Variants in PLXNA2 observed in about 807,000 individuals in gnomAD.
PLXNA2 encodes plexin A2, also known as plexin-A2.
PLXNA2 carries 91 observed loss-of-function variants against 193.5 expected under a neutral mutation model. That is an observed-to-expected ratio of 0.47 (90% confidence interval 0.40 to 0.56). PLXNA2 has a LOEUF of 0.56. Ranked by LOEUF, PLXNA2 falls within the 20% of genes least tolerant of loss-of-function variation. The pLI, the probability that PLXNA2 is intolerant of heterozygous loss-of-function variation, is 0.00. For missense variants in PLXNA2, 1,995 were observed against 2,503.2 expected, an observed-to-expected ratio of 0.80 and a Z score of 4.33; for synonymous variants, 997 against 1,027.3, an observed-to-expected ratio of 0.97 and a Z score of 0.56.
intron 4 of PLXNA2, among the ~76,000 whole-genome samples, chr1:208,113,005 C>A (rs200470797): frequency 0.025 from 2,898 of 114,234 alleles, 1 homozygote; most frequent in Middle Eastern, 0.03. Flanking sequence ...GAAGGACCTA[C>A]AAAAAAAAAA....
chr1:208,234,921 G>T (rs1403851043), intron 1 of PLXNA2, among the ~76,000 whole-genome samples: 1 of 152,174 alleles, frequency 6.6e-6, no homozygotes, highest in Non-Finnish European at 1.5e-5. Context: ...ATTTGGACTT[G>T]GGTTTCACAT....
chr1:208,079,363 C>T lies in PLXNA2; in HGVS notation c.2483G>A (p.Gly828Asp), dbSNP rs770086827. Residue 828 changes from glycine to aspartate, a missense_variant, in exon 12 of 32, where the codon GGC (glycine) becomes GAC (aspartate). Around this residue, in one of 3 missense-constraint regions of PLXNA2, gnomAD observed 1,291 missense variants for 1,673.6 expected, o/e 0.77. Transcript: ENST00000367033. ...CTGGTGGAGGGTGCACCTGCGCTCG[C>T]CGCTGCACCAGCCACACTCAAACTT... ...DRKFECGWCS[G>D]ERRCTLHQHC... 6.2e-7 allele frequency: 1 copy of T among 1,613,010 alleles called. No homozygotes were observed. Among genetic ancestry groups the T allele is most frequent in the South Asian group, 1.1e-5 (1 of 90,998 alleles).
At chr1:208,225,773 T>C (rs1003311611) in intron 1 of PLXNA2, among the ~76,000 whole-genome samples, 19 of 152,320 alleles carry the variant, frequency 1.2e-4, no homozygotes, top group Admixed American at 7.8e-4. Context: ...CACATCCTCA[T>C]CTGACCATCT....
In PLXNA2 at chr1:208,027,068, G is replaced by T. The variant is rs1664362917; in HGVS notation, c.*175C>A. On this transcript the variant is annotated 3_prime_UTR_variant, in exon 32 of 32. Transcript: ENST00000367033. ...CCCACTGTCTCTCCCAGCTGGAACT[G>T]GCTATGACGAAACTTGGCTGGCGTA... The T allele has an allele frequency of 7.0e-6, 4 of 570,912 alleles. No individual in the cohort carries two copies. In the South Asian group the frequency reaches 8.6e-5, roughly 12 times the overall value. 35.4% of individuals were successfully genotyped at this position (570,912 alleles called of 1,614,324 possible). A position where few individuals can be genotyped will look rare whatever the true frequency, so the allele number is the denominator to read the frequency against.
intron 3 of PLXNA2, among the ~76,000 whole-genome samples, chr1:208,176,123 T>C (rs571403097): frequency 6.6e-6 from 1 of 152,304 alleles, no homozygotes; most frequent in Admixed American, 6.5e-5. Flanking sequence ...TTGTTGCCAC[T>C]TCACAGATGA....
intron 4 of PLXNA2, among the ~76,000 whole-genome samples, chr1:208,132,625 A>AC (rs1435754690): frequency 6.6e-6 from 1 of 152,222 alleles, no homozygotes; most frequent in Non-Finnish European, 1.5e-5. Flanking sequence ...AACACAGCTT[A>AC]AATAAGGTAG....
intron 3 of PLXNA2, among the ~76,000 whole-genome samples, chr1:208,206,206 T>C (rs1277230512): frequency 6.6e-6 from 1 of 152,268 alleles, no homozygotes; most frequent in Non-Finnish European, 1.5e-5. Context: ...CCCACATCGA[T>C]CCAGCTCTTG....
At chr1:208,063,998 A>T (rs1306919657) in intron 12 of PLXNA2, among the ~76,000 whole-genome samples, 1 of 151,878 alleles carries the variant, frequency 6.6e-6, no homozygotes, top group Non-Finnish European at 1.5e-5. Context: ...ACGAACTCTT[A>T]ATTTTTCCTC....
intron 3 of PLXNA2, among the ~76,000 whole-genome samples, chr1:208,167,829 C>T (rs1669359186): frequency 6.6e-6 from 1 of 152,224 alleles, no homozygotes; most frequent in Admixed American, 6.5e-5. Flanking sequence ...TGAAACCCCA[C>T]ACACATACAC....
At chr1:208,104,534 T>C (rs1667200727) in intron 4 of PLXNA2, among the ~76,000 whole-genome samples, 1 of 152,004 alleles carries the variant, frequency 6.6e-6, no homozygotes, top group Admixed American at 6.6e-5. Context: ...AGGTGACCAG[T>C]GGTGTAGGGG....
chr1:208,109,906 CT>C (rs933924286), intron 4 of PLXNA2, among the ~76,000 whole-genome samples: 2 of 152,342 alleles, frequency 1.3e-5, no homozygotes, highest in Non-Finnish European at 2.9e-5. Flanking sequence ...TACCCAGTAG[CT>C]GTTAACTGAT....
At chr1:208,094,758 G>A (rs1294791525) in intron 8 of PLXNA2, among the ~76,000 whole-genome samples, 1 of 152,138 alleles carries the variant, frequency 6.6e-6, no homozygotes, top group Non-Finnish European at 1.5e-5. Context: ...GTCTTTCTCA[G>A]CACATCTATT....
rs991739535 is a variant in PLXNA2, at chr1:208,243,942, G to T, written c.-380C>A. The T allele has an allele frequency of 6.6e-6, 1 of 152,396 alleles. No individual in the cohort carries two copies. Among genetic ancestry groups the T allele is most frequent in the Non-Finnish European group, 1.5e-5 (1 of 68,190 alleles). The allele number at this position is 152,396 out of a possible 1,614,324, so 9.4% of individuals were successfully genotyped here. On this transcript the variant is annotated 5_prime_UTR_variant, in exon 1 of 32. Transcript: ENST00000367033. ...GGGGGCACCCGGAGGCGCCGAGGGG[G>T]CGTGTGGGGGCGGCCGGCGGTGTCT...
intron 3 of PLXNA2, among the ~76,000 whole-genome samples, chr1:208,176,664 T>C (rs546051141): frequency 1.9e-4 from 29 of 152,248 alleles, no homozygotes; most frequent in Admixed American, 3.3e-4. Context: ...CAGCTCCTAC[T>C]GTGTCTGTTC....
intron 28 of PLXNA2, among the ~76,000 whole-genome samples, chr1:208,033,009 G>A (rs1664550009): frequency 6.6e-6 from 1 of 151,820 alleles, no homozygotes; most frequent in African/African-American, 2.4e-5. Context: ...CCCTGCCCAG[G>A]GAACTGGACT....
intron 26 of PLXNA2, among the ~76,000 whole-genome samples, chr1:208,034,909 T>A (rs894553109): frequency 1.3e-5 from 2 of 152,214 alleles, no homozygotes; most frequent in Non-Finnish European, 2.9e-5. Context: ...ACAGTATGAA[T>A]ACAAATATAA....
chr1:208,218,219 G>T, intron 1 of PLXNA2: 3 of 503,794 alleles, frequency 6.0e-6, no homozygotes, highest in South Asian at 2.7e-5. Context: ...TAAAATACTT[G>T]CTTTTTTTAA....
chr1:208,225,329 G>T (rs1223016494), intron 1 of PLXNA2, among the ~76,000 whole-genome samples: 1 of 152,104 alleles, frequency 6.6e-6, no homozygotes, highest in Non-Finnish European at 1.5e-5. Context: ...TTGAGACGGG[G>T]TCTCGCTCTG....
chr1:208,178,032 T>G (rs1669712782), intron 3 of PLXNA2, among the ~76,000 whole-genome samples: 1 of 152,200 alleles, frequency 6.6e-6, no homozygotes, highest in African/African-American at 2.4e-5. Flanking sequence ...AAAACACTCC[T>G]GGTAATAGAA....
Sources: gnomAD v4.1 joint callset for allele counts (sites outside exome capture counted in the v4.1 genomes callset) on GRCh38, gnomAD v4.1.1 for gene constraint, gnomAD v4.1.1 regional missense constraint, MANE v1.5 for transcripts, NCBI Gene and HGNC (gene_info 2026-07-23, HGNC 2026-07-21) for gene names.